Variants in NKAIN2 observed in about 807,000 individuals in gnomAD.
NKAIN2 encodes sodium/potassium transporting ATPase interacting 2, also known as sodium/potassium-transporting ATPase subunit beta-1-interacting protein 2.
In NKAIN2, 14 loss-of-function variants were observed where a neutral mutation model predicts 32.6. That is an observed-to-expected ratio of 0.43 (90% CI 0.28 to 0.67). NKAIN2 has a LOEUF of 0.67. Ranked by LOEUF, NKAIN2 falls within the 30% of genes least tolerant of loss-of-function variation. The pLI is 0.17. For missense variants in NKAIN2, 198 were observed against 258.3 expected, an observed-to-expected ratio of 0.77 and a Z score of 1.60; for synonymous variants, 80 against 87.2, an observed-to-expected ratio of 0.92 and a Z score of 0.46.
intron 1 of NKAIN2, among the ~76,000 whole-genome samples, chr6:123,931,076 C>G (rs1776233220): frequency 6.6e-6 from 1 of 151,994 alleles, no homozygotes; most frequent in Non-Finnish European, 1.5e-5. Flanking sequence ...TCCTATTGAT[C>G]TTTTCTTTGT....
intron 1 of NKAIN2, among the ~76,000 whole-genome samples, chr6:124,112,852 A>G (rs1426527399): frequency 1.4e-5 from 2 of 141,220 alleles, no homozygotes; most frequent in Non-Finnish European, 1.5e-5. Flanking sequence ...CTGCTGCTGA[A>G]CCCCTTTAGT....
intron 1 of NKAIN2, among the ~76,000 whole-genome samples, chr6:123,966,900 C>T (rs1288514418): frequency 3.3e-5 from 5 of 152,144 alleles, no homozygotes; most frequent in Admixed American, 6.6e-5. Context: ...CATTTCCAAT[C>T]TAAAGTAGTG....
At chr6:124,042,262 A>C (rs1178574353) in intron 1 of NKAIN2, among the ~76,000 whole-genome samples, 1 of 152,068 alleles carries the variant, frequency 6.6e-6, no homozygotes, top group African/African-American at 2.4e-5. Flanking sequence ...AATTGTTGCC[A>C]TAGTGTTTGA....
rs1774420385 is a variant in NKAIN2, at chr6:124,694,836, G to C, written c.474+36450G>C. Among the ~76,000 whole-genome samples, 3 of 152,122 alleles carry C rather than the reference G, an allele frequency of 2.0e-5. 1 individual carries two copies. The South Asian group carries it at 6.2e-4, about 32-fold the overall frequency. On this transcript the variant is annotated intron_variant, in intron 4 of 6. Transcript: ENST00000368417. Reference sequence around the variant, plus strand: ...ATGAATATTTATTGACAGAAGTGAAGACTATATTTGCACAGTCAGCTAAGA... The same window carrying C: ...ATGAATATTTATTGACAGAAGTGAACACTATATTTGCACAGTCAGCTAAGA...
intron 1 of NKAIN2, among the ~76,000 whole-genome samples, chr6:124,013,400 T>A (rs1211607162): frequency 6.6e-6 from 1 of 152,206 alleles, no homozygotes; most frequent in Non-Finnish European, 1.5e-5. Flanking sequence ...AGGTTTATAC[T>A]AGGTTTTCAT....
chr6:124,099,067 C>A (rs761503700), intron 1 of NKAIN2, among the ~76,000 whole-genome samples: 3 of 151,874 alleles, frequency 2.0e-5, no homozygotes, highest in African/African-American at 7.3e-5. Context: ...ACAGGATGGT[C>A]CAAATGATAT....
Position 124,419,758 on chromosome 6 carries a change from T to C in NKAIN2, c.273+64411T>C, listed in dbSNP as rs1042150004. Among the ~76,000 whole-genome samples, 10 of 152,180 alleles carry C rather than the reference T, an allele frequency of 6.6e-5. No individual in the cohort carries two copies. The East Asian group carries it at 1.3e-3, about 21-fold the overall frequency. On this transcript the variant is annotated intron_variant, in intron 3 of 6. Transcript: ENST00000368417. ...TTATTTTTCAGATCTAGTAATACTTTCTTTTTTATATGTCATGGATGAGTT... is the reference window on the plus strand; with the variant it reads ...TTATTTTTCAGATCTAGTAATACTTCCTTTTTTATATGTCATGGATGAGTT...
intron 4 of NKAIN2, among the ~76,000 whole-genome samples, chr6:124,680,641 C>G (rs1773576114): frequency 6.6e-6 from 1 of 151,988 alleles, no homozygotes; most frequent in African/African-American, 2.4e-5. Context: ...TGTATATATG[C>G]ATATGAAAAA....
intron 4 of NKAIN2, among the ~76,000 whole-genome samples, chr6:124,772,253 C>A (rs1778790185): frequency 6.6e-6 from 1 of 152,046 alleles, no homozygotes; most frequent in South Asian, 2.1e-4. Context: ...AAACTTAGGG[C>A]TTTGTAGGGT....
intron 1 of NKAIN2, among the ~76,000 whole-genome samples, chr6:123,905,541 ATAGT>A (rs1774822826): frequency 6.6e-6 from 1 of 152,138 alleles, no homozygotes; most frequent in Non-Finnish European, 1.5e-5. Flanking sequence ...GAACAAAAGC[ATAGT>A]TAGTATCTTT....
At chr6:123,997,126 A>G (rs1779652450) in intron 1 of NKAIN2, among the ~76,000 whole-genome samples, 1 of 152,208 alleles carries the variant, frequency 6.6e-6, no homozygotes, top group Non-Finnish European at 1.5e-5. Flanking sequence ...GATCTAGTAC[A>G]ACGTGTGATC....
chr6:124,704,202 T>G (rs958180586), intron 4 of NKAIN2, among the ~76,000 whole-genome samples: 1 of 151,812 alleles, frequency 6.6e-6, no homozygotes, highest in African/African-American at 2.4e-5. Flanking sequence ...TGTCATAGAT[T>G]GAAGAATAAA....
In NKAIN2 at chr6:123,899,316, C is replaced by G. The variant is rs1294302497; in HGVS notation, c.54+95062C>G. Among the ~76,000 whole-genome samples the G allele has an allele frequency of 3.9e-5, 6 of 152,132 alleles. No individual in the cohort carries two copies. In the South Asian group the frequency reaches 8.3e-4, roughly 21 times the overall value. ...CACAGATTTCCTTCCTTCCTTCCCT[C>G]TTTTCTTCCTCTGTATTCCCTTCAT... On this transcript the variant is annotated intron_variant, in intron 1 of 6. Transcript: ENST00000368417.
intron 1 of NKAIN2, among the ~76,000 whole-genome samples, chr6:124,190,134 G>A (rs138610520): frequency 4.6e-5 from 7 of 152,300 alleles, no homozygotes; most frequent in Non-Finnish European, 8.8e-5. Flanking sequence ...AGGGTTACAC[G>A]TATGGTGGCC....
At chr6:124,683,495 T>C (rs1649286011) in intron 4 of NKAIN2, among the ~76,000 whole-genome samples, 1 of 151,994 alleles carries the variant, frequency 6.6e-6, no homozygotes, top group Non-Finnish European at 1.5e-5. Flanking sequence ...ATTAGGGAGG[T>C]TGATAATGCA....
chr6:124,508,864 G>A (rs1238010415), intron 3 of NKAIN2, among the ~76,000 whole-genome samples: 1 of 152,188 alleles, frequency 6.6e-6, no homozygotes, highest in African/African-American at 2.4e-5. Context: ...TTCTCTCTGT[G>A]CATCTATCTC....
At chr6:124,535,945 C>G (rs1779694854) in intron 3 of NKAIN2, among the ~76,000 whole-genome samples, 1 of 152,196 alleles carries the variant, frequency 6.6e-6, no homozygotes, top group Non-Finnish European at 1.5e-5. Flanking sequence ...CATTATTCTA[C>G]TTTTCGTGAT....
At chr6:124,498,730 C>CTTT (rs1778166249) in intron 3 of NKAIN2, among the ~76,000 whole-genome samples, 1 of 151,994 alleles carries the variant, frequency 6.6e-6, no homozygotes, top group Admixed American at 6.6e-5. Context: ...TTCTTATTTT[C>CTTT]TTTTTTCACT....
intron 1 of NKAIN2, among the ~76,000 whole-genome samples, chr6:124,111,779 T>G (rs973017774): frequency 1.8e-4 from 27 of 151,566 alleles, no homozygotes; most frequent in Non-Finnish European, 2.8e-4. Context: ...TTTGTTGGGG[T>G]TTTTTTTGGT....
Sources: gnomAD v4.1 joint callset for allele counts (sites outside exome capture counted in the v4.1 genomes callset) on GRCh38, gnomAD v4.1.1 for gene constraint, MANE v1.5 for transcripts, NCBI Gene and HGNC (gene_info 2026-07-23, HGNC 2026-07-21) for gene names.